The following TNS3 variants were observed in gnomAD, a reference collection of about 807,000 sequenced individuals.
The protein encoded by TNS3 is tensin 3, also known as tensin-3.
In TNS3, 45 loss-of-function variants were observed where a neutral mutation model predicts 140.9. That is an observed-to-expected ratio of 0.32 (90% confidence interval 0.25 to 0.41). The LOEUF is 0.41. TNS3 is among the 10% of genes least tolerant of loss of function. The pLI is 1.00. For missense variants in TNS3, 1,716 were observed against 1,906.7 expected (o/e 0.90, Z 1.86); for synonymous variants, 815 against 788.4 (o/e 1.03, Z -0.56).
At chr7:47,541,066 G>A (rs1005776266) in intron 1 of TNS3, among the ~76,000 whole-genome samples, 11 of 152,152 alleles carry the variant, frequency 7.2e-5, no homozygotes, top group Non-Finnish European at 1.2e-4. Flanking sequence ...CCTCAGCCTC[G>A]GGCAACAGCC....
Position 47,316,094 on chromosome 7 carries a change from TTCTCTCTCTCTCTCTCTCTCTCTCTCTC to T in TNS3, c.2651-11119_2651-11092del, listed in dbSNP as rs56939479. Reference sequence around the variant, plus strand: ...TGAGACTATCCACCTAACTAACTATTTCTCTCTCTCTCTCTCTCTCTCTCTCTCTCTCTCTCTCTCTCTCTCTCTCTCC... The same window carrying T: ...TGAGACTATCCACCTAACTAACTATTTCTCTCTCTCTCTCTCTCTCTCTCC... On this transcript the variant is annotated intron_variant, in intron 20 of 30. Coordinates refer to ENST00000311160, the MANE Select transcript of TNS3 (RefSeq NM_022748.12). 1.3e-3 allele frequency among the ~76,000 whole-genome samples: 138 copies of T among 105,874 alleles called. 1 individual carries two copies. The highest frequency in any genetic ancestry group is 4.4e-3 in the African/African-American group (124 of 28,384). The allele number at this position is 105,874 out of a possible 152,430, so 69.5% of individuals were successfully genotyped here. A position where few individuals can be genotyped will look rare whatever the true frequency, so the allele number is the denominator to read the frequency against.
chr7:47,297,262 G>C (rs1359664753), intron 23 of TNS3, 49 bp from the exon 24 acceptor site: 2 of 1,566,432 alleles, frequency 1.3e-6, no homozygotes, highest in Non-Finnish European at 1.7e-6. Flanking sequence ...GTGGACAAAG[G>C]TCTATGCCCA....
rs115709351 is a variant in TNS3, at chr7:47,407,211, C to A, written c.723+4516G>T. Among the ~76,000 whole-genome samples, 959 of 152,246 alleles carry A rather than the reference C, an allele frequency of 6.3e-3. 5 individuals carry two copies. Among genetic ancestry groups the A allele is most frequent in the African/African-American group, 0.021 (888 of 41,522 alleles). Reference sequence around the variant, plus strand: ...TCTGATGGGAGTGCTGGCAGTGACACCCTGGGTTTCTACTCTCCAGGTCGA... The same window carrying A: ...TCTGATGGGAGTGCTGGCAGTGACAACCTGGGTTTCTACTCTCCAGGTCGA... On this transcript the variant is annotated intron_variant, in intron 13 of 30. Coordinates refer to ENST00000311160, the MANE Select transcript of TNS3 (RefSeq NM_022748.12). This position sits in a 1 kb window ranked among gnomAD's most constrained non-coding sequence, Gnocchi z 4.1.
In TNS3 at chr7:47,582,053, G is replaced by A. The variant is rs1784548709; in HGVS notation, c.-267C>T. On this transcript the variant is annotated splice_region_variant and 5_prime_UTR_variant, in exon 1 of 31. Coordinates refer to ENST00000311160, the MANE Select transcript of TNS3 (RefSeq NM_022748.12). ...TCCTCCTTCCCCGGCCCCAGTACCT[G>A]GGGGAGCCTGAGGCGCGGTCCGGCA... The A allele has an allele frequency of 6.6e-6, 1 of 152,078 alleles. No individual in the cohort carries two copies. Among genetic ancestry groups the A allele is most frequent in the African/African-American group, 2.4e-5 (1 of 41,446 alleles). 9.4% of individuals were successfully genotyped at this position (152,078 alleles called of 1,614,324 possible). A position where few individuals can be genotyped will look rare whatever the true frequency, so the allele number is the denominator to read the frequency against.
At chr7:47,448,310 T>A (rs370009195) in intron 4 of TNS3, among the ~76,000 whole-genome samples, 1 of 152,146 alleles carries the variant, frequency 6.6e-6, no homozygotes, top group African/African-American at 2.4e-5. Flanking sequence ...TTCCTTGAAG[T>A]CCACGACGTC....
Position 47,477,864 on chromosome 7 carries a change from G to A in TNS3, c.-76+3239C>T, listed in dbSNP as rs960521255. On this transcript the variant is annotated intron_variant, in intron 4 of 30. Transcript: ENST00000311160. ...CTCCTGCCCAAGCTCCGCTAAATGG[G>A]GGGGTCTGCTTCTACAAGGCCACCC... Among the ~76,000 whole-genome samples the A allele has an allele frequency of 9.8e-5, 15 of 152,342 alleles. 1 individual carries two copies. The Middle Eastern group carries it at 0.01, about 104-fold the overall frequency.
intron 13 of TNS3, among the ~76,000 whole-genome samples, chr7:47,402,224 G>A (rs932768483): frequency 1.5e-4 from 23 of 152,220 alleles, no homozygotes; most frequent in East Asian, 1.9e-4. Context: ...GGAAAGGGAC[G>A]GGTAAATAAA....
intron 4 of TNS3, among the ~76,000 whole-genome samples, chr7:47,467,945 C>T (rs1489275206): frequency 6.6e-6 from 1 of 152,094 alleles, no homozygotes; most frequent in Non-Finnish European, 1.5e-5. Flanking sequence ...AGGTAAAATA[C>T]ACTCAGGTAA....
chr7:47,527,695 T>C (rs908642838), intron 2 of TNS3, among the ~76,000 whole-genome samples: 7 of 152,150 alleles, frequency 4.6e-5, no homozygotes, highest in African/African-American at 1.7e-4. Flanking sequence ...GGAGAATCAC[T>C]TGAGGCCAAG....
chr7:47,380,832 C>T (rs1216656399), intron 16 of TNS3, among the ~76,000 whole-genome samples: 1 of 152,186 alleles, frequency 6.6e-6, no homozygotes. Context: ...CAGCGGCTCT[C>T]TCAGTCTGCA....
chr7:47,533,592 CA>C (rs1799495803), intron 1 of TNS3, among the ~76,000 whole-genome samples: 1 of 152,076 alleles, frequency 6.6e-6, no homozygotes, highest in Non-Finnish European at 1.5e-5. Flanking sequence ...ATTGATTCAT[CA>C]AGAACACCTA....
At chr7:47,340,532 A>C (rs1195823233) in intron 20 of TNS3, among the ~76,000 whole-genome samples, 1 of 150,316 alleles carries the variant, frequency 6.7e-6, no homozygotes, top group Admixed American at 6.6e-5. Context: ...ATTTGTTCTA[A>C]CAGTTTCACT....
At chr7:47,523,764 T>C (rs567516495) in intron 2 of TNS3, among the ~76,000 whole-genome samples, 14 of 152,316 alleles carry the variant, frequency 9.2e-5, no homozygotes, top group African/African-American at 2.9e-4. Context: ...TTCCCAAGCC[T>C]ACCACATCCT....
intron 30 of TNS3, 187 bp from the exon 31 acceptor site, chr7:47,278,407 A>G: frequency 1.6e-6 from 1 of 628,130 alleles, no homozygotes; most frequent in Non-Finnish European, 2.7e-6. Flanking sequence ...AGACCTACAG[A>G]TGGGATGTCT....
intron 1 of TNS3, chr7:47,579,963 C>T: frequency 2.4e-6 from 1 of 418,288 alleles, no homozygotes; most frequent in Non-Finnish European, 3.2e-6. Flanking sequence ...CATTTGCAAA[C>T]AGCTCACTTT....
chr7:47,458,676 C>A (rs540581489), intron 4 of TNS3, among the ~76,000 whole-genome samples: 7 of 152,320 alleles, frequency 4.6e-5, no homozygotes, highest in African/African-American at 1.7e-4. Flanking sequence ...TCCCCCCATC[C>A]CTTCCCGCAG....
At chr7:47,393,346 C>T (rs1158202254) in intron 16 of TNS3, among the ~76,000 whole-genome samples, 1 of 152,100 alleles carries the variant, frequency 6.6e-6, no homozygotes, top group Non-Finnish European at 1.5e-5. Flanking sequence ...CCAGACAGCA[C>T]GTGGGGATGG....
intron 7 of TNS3, among the ~76,000 whole-genome samples, chr7:47,436,439 G>C (rs991099831): frequency 5.9e-5 from 9 of 152,044 alleles, no homozygotes; most frequent in Non-Finnish European, 1.0e-4. Context: ...TGAAGGGTGA[G>C]GGGCAAGGGG....
chr7:47,301,004 A>G (rs1360271781), intron 23 of TNS3, among the ~76,000 whole-genome samples: 1 of 152,230 alleles, frequency 6.6e-6, no homozygotes, highest in Non-Finnish European at 1.5e-5. Context: ...TGTCATCTAC[A>G]TAACTGAATA....
Sources: gnomAD v4.1 joint callset for allele counts (sites outside exome capture counted in the v4.1 genomes callset) on GRCh38, gnomAD v4.1.1 for gene constraint, Gnocchi (gnomAD v3.1) non-coding constraint, MANE v1.5 for transcripts, NCBI Gene and HGNC (gene_info 2026-07-23, HGNC 2026-07-21) for gene names.